Variants in KHDRBS2 observed in about 807,000 individuals in gnomAD.
The protein encoded by KHDRBS2 is KH domain-containing, RNA-binding, signal transduction-associated protein 2.
Under a neutral mutation model 44.3 loss-of-function variants are expected in KHDRBS2, and 26 were observed. The observed-to-expected ratio is 0.59, with a 90% CI of 0.43 to 0.81. The LOEUF is 0.81. Ranked by LOEUF, KHDRBS2 falls within the 40% of genes least tolerant of loss-of-function variation. The pLI, the probability that KHDRBS2 is intolerant of heterozygous loss-of-function variation, is 0.00. For missense variants in KHDRBS2, 476 were observed against 433.1 expected (o/e 1.10, Z -0.88); for synonymous variants, 194 against 151.1 (o/e 1.28, Z -2.08).
At chr6:61,626,331 G>A in the KHDRBS2 span, among the ~76,000 whole-genome samples, 2 of 152,180 alleles carry the variant, frequency 1.3e-5, no homozygotes, top group Non-Finnish European at 2.9e-5. Flanking sequence ...GGTACAGAGG[G>A]TAGGCTGGTT....
At chr6:61,697,745 G>A (rs566298218) in intron 7 of KHDRBS2, among the ~76,000 whole-genome samples, 2 of 151,896 alleles carry the variant, frequency 1.3e-5, no homozygotes, top group Non-Finnish European at 2.9e-5. Flanking sequence ...TGTTTCACTC[G>A]ATATTTTGCT....
intron 3 of KHDRBS2, among the ~76,000 whole-genome samples, chr6:61,984,173 C>T (rs1056491058): frequency 1.3e-5 from 2 of 152,168 alleles, no homozygotes; most frequent in African/African-American, 4.8e-5. Context: ...CACTTCTGTT[C>T]TCACTTAAGA....
At chr6:61,761,544 G>C (rs1243174582) in intron 6 of KHDRBS2, among the ~76,000 whole-genome samples, 2 of 152,050 alleles carry the variant, frequency 1.3e-5, no homozygotes, top group East Asian at 1.9e-4. Context: ...AAGGTATCTG[G>C]TACTATTTTT....
intron 2 of KHDRBS2, among the ~76,000 whole-genome samples, chr6:62,139,222 C>A (rs1394256303): frequency 7.2e-5 from 11 of 151,820 alleles, no homozygotes; most frequent in Non-Finnish European, 8.8e-5. Flanking sequence ...TATTACTTTG[C>A]AAAAAGAACT....
chr6:62,086,896 A>G (rs1476190309), intron 2 of KHDRBS2, among the ~76,000 whole-genome samples: 2 of 152,030 alleles, frequency 1.3e-5, no homozygotes, highest in African/African-American at 4.8e-5. Context: ...ACTGAGCAAA[A>G]ATTACCAAGA....
At chr6:61,625,981 A>G in the KHDRBS2 span, among the ~76,000 whole-genome samples, 1 of 152,224 alleles carries the variant, frequency 6.6e-6, no homozygotes. Context: ...TGGATATAAT[A>G]TTGCATTTAT....
chr6:62,234,986 TA>T (rs898551520), intron 1 of KHDRBS2, among the ~76,000 whole-genome samples: 21 of 149,038 alleles, frequency 1.4e-4, no homozygotes, highest in Non-Finnish European at 2.1e-4. Context: ...TTATTCATGA[TA>T]AAAAATGAAT....
At chr6:61,786,555 A>C (rs977258992) in intron 6 of KHDRBS2, among the ~76,000 whole-genome samples, 2 of 150,902 alleles carry the variant, frequency 1.3e-5, no homozygotes, top group Non-Finnish European at 3.0e-5. Context: ...ATTCTAAATA[A>C]AAAATTAAAA....
chr6:61,798,198 T>G (rs527782394), intron 6 of KHDRBS2, among the ~76,000 whole-genome samples: 1 of 152,102 alleles, frequency 6.6e-6, no homozygotes, highest in Non-Finnish European at 1.5e-5. Flanking sequence ...TGAAAATATC[T>G]CCATGAAGAG....
intron 6 of KHDRBS2, among the ~76,000 whole-genome samples, chr6:61,751,168 AC>A (rs1404988870): frequency 6.6e-6 from 1 of 152,180 alleles, no homozygotes; most frequent in African/African-American, 2.4e-5. Context: ...GTCTAAAGGA[AC>A]AGTGGCTCAA....
the KHDRBS2 span, among the ~76,000 whole-genome samples, chr6:61,556,042 C>T: frequency 6.6e-6 from 1 of 152,156 alleles, no homozygotes; most frequent in African/African-American, 2.4e-5. Context: ...GTTCTTGTCA[C>T]CTGGGGCCAC....
chr6:62,129,693 T>G (rs543386953), intron 2 of KHDRBS2, among the ~76,000 whole-genome samples: 5 of 152,264 alleles, frequency 3.3e-5, no homozygotes, highest in Non-Finnish European at 5.9e-5. Context: ...AAATTTAAAT[T>G]AATTGAATTA....
the KHDRBS2 span, among the ~76,000 whole-genome samples, chr6:61,594,112 T>A: frequency 6.6e-6 from 1 of 152,082 alleles, no homozygotes; most frequent in Non-Finnish European, 1.5e-5. Context: ...GATTAGGTAG[T>A]GAAAAAGGTA....
chr6:62,108,436 G>C (rs1804077722), intron 2 of KHDRBS2, among the ~76,000 whole-genome samples: 1 of 152,134 alleles, frequency 6.6e-6, no homozygotes, highest in Admixed American at 6.5e-5. Context: ...TCATTAAAAA[G>C]TCAGGAAACA....
At chr6:61,878,181 T>C (rs1320401816) in intron 6 of KHDRBS2, among the ~76,000 whole-genome samples, 3 of 151,904 alleles carry the variant, frequency 2.0e-5, no homozygotes, top group African/African-American at 4.8e-5. Flanking sequence ...GTCTACCTGC[T>C]CCAGTTCCTG....
At chr6:62,108,191 C>G (rs900808641) in intron 2 of KHDRBS2, among the ~76,000 whole-genome samples, 1 of 152,018 alleles carries the variant, frequency 6.6e-6, no homozygotes, top group African/African-American at 2.4e-5. Flanking sequence ...TCGCAACCTA[C>G]TCATCTGACA....
At chr6:61,544,364 G>C in the KHDRBS2 span, among the ~76,000 whole-genome samples, 1 of 151,996 alleles carries the variant, frequency 6.6e-6, no homozygotes, top group Non-Finnish European at 1.5e-5. Flanking sequence ...GAGTCTTATG[G>C]AACCGTTAAT....
At chr6:61,835,336 G>T (rs867154142) in intron 6 of KHDRBS2, among the ~76,000 whole-genome samples, 2 of 152,016 alleles carry the variant, frequency 1.3e-5, no homozygotes, top group African/African-American at 4.8e-5. Flanking sequence ...TGGCAATGAG[G>T]CATGAAAAGA....
intron 1 of KHDRBS2, among the ~76,000 whole-genome samples, chr6:62,187,697 A>AT (rs1230264670): frequency 6.6e-6 from 1 of 151,858 alleles, no homozygotes; most frequent in Non-Finnish European, 1.5e-5. Flanking sequence ...GTTTGGTTTA[A>AT]TTTTTTTGCG....
Sources: allele counts gnomAD v4.1 joint callset (sites outside exome capture counted in the v4.1 genomes callset), GRCh38; gene constraint gnomAD v4.1.1; transcripts MANE v1.5; gene names NCBI Gene and HGNC (gene_info 2026-07-23, HGNC 2026-07-21).